PCDH15: variants seen among roughly 807,000 people sequenced by gnomAD.
The protein encoded by PCDH15 is protocadherin related 15.
Under a neutral mutation model 178.5 loss-of-function variants are expected in PCDH15, and 129 were observed. That is an observed-to-expected ratio of 0.72 (90% confidence interval 0.63 to 0.84). The LOEUF (loss-of-function observed/expected upper bound fraction) is 0.84. PCDH15 is among the 40% of genes least tolerant of loss of function. PCDH15 has a pLI of 0.00. For synonymous variants in PCDH15, 800 were observed against 732.0 expected, an observed-to-expected ratio of 1.09 and a Z score of -1.50; for missense variants, 2,230 against 2,099.9, an observed-to-expected ratio of 1.06 and a Z score of -1.21.
intron 2 of PCDH15, among the ~76,000 whole-genome samples, chr10:55,533,437 G>A (rs1841501859): frequency 6.6e-6 from 1 of 151,840 alleles, no homozygotes; most frequent in African/African-American, 2.4e-5. Flanking sequence ...CACTAATAAT[G>A]TCCAGGCTGA....
intron 2 of PCDH15, chr10:55,366,326 T>C (rs1845360320): frequency 6.6e-6 from 1 of 152,112 alleles, no homozygotes; most frequent in Admixed American, 6.6e-5. Flanking sequence ...AAGTAAAACA[T>C]AAGCAATTCT....
chr10:54,509,285 ATAC>A (rs2081435512), intron 3 of PCDH15, among the ~76,000 whole-genome samples: 1 of 152,016 alleles, frequency 6.6e-6, no homozygotes, highest in Non-Finnish European at 1.5e-5. Context: ...GGTTTCCCCC[ATAC>A]TGTTCTCGTG....
At chr10:54,944,077 C>T (rs777070185) in intron 2 of PCDH15, among the ~76,000 whole-genome samples, 9 of 151,696 alleles carry the variant, frequency 5.9e-5, no homozygotes, top group Non-Finnish European at 1.3e-4. Flanking sequence ...AGGCCAAGAC[C>T]CAAAGCATGG....
chr10:55,006,979 G>A (rs1031353649), intron 2 of PCDH15, among the ~76,000 whole-genome samples: 10 of 152,074 alleles, frequency 6.6e-5, no homozygotes, highest in African/African-American at 2.4e-4. Flanking sequence ...GTGATATTGA[G>A]TTCTGGTCAT....
chr10:54,517,601 C>T (rs1482514052), intron 3 of PCDH15, among the ~76,000 whole-genome samples: 2 of 151,980 alleles, frequency 1.3e-5, no homozygotes, highest in African/African-American at 4.8e-5. Flanking sequence ...GACTCCCACA[C>T]AATAATAATG....
At chr10:54,459,540 A>C (rs2077041183) in intron 3 of PCDH15, among the ~76,000 whole-genome samples, 1 of 152,066 alleles carries the variant, frequency 6.6e-6, no homozygotes, top group South Asian at 2.1e-4. Flanking sequence ...TTTGGAGAAA[A>C]ATGACTTAAT....
chr10:54,326,782 G>A (rs532708767), intron 7 of PCDH15, among the ~76,000 whole-genome samples: 25 of 152,120 alleles, frequency 1.6e-4, no homozygotes, highest in African/African-American at 5.8e-4. Flanking sequence ...GAGTATTGTT[G>A]AATCAATGGT....
At chr10:54,603,547 T>A (rs2134121719) in intron 2 of PCDH15, among the ~76,000 whole-genome samples, 1 of 151,790 alleles carries the variant, frequency 6.6e-6, no homozygotes, top group South Asian at 2.1e-4. Context: ...AGAAGCCATG[T>A]CTCTCGAGGC....
rs1566222539 is a variant in PCDH15 at position 54,779,483 on chromosome 10, T to TATGTGTATATATATACACAC, written c.-29+21441_-29+21442insGTGTGTATATATATACACAT. Among the ~76,000 whole-genome samples the TATGTGTATATATATACACAC allele has an allele frequency of 1.9e-3, 192 of 101,242 alleles. 6 individuals are homozygous for TATGTGTATATATATACACAC. Among genetic ancestry groups the TATGTGTATATATATACACAC allele is most frequent in the African/African-American group, 5.6e-3 (169 of 30,334 alleles). The allele number at this position is 101,242 out of a possible 152,430, so 66.4% of individuals were successfully genotyped here. The stretch of plus-strand genomic sequence containing the variant: ...ATGTGTGTATATATATACACACATA[T>TATGTGTATATATATACACAC]ATATGTATATATATACACACATATA... On this transcript the variant is annotated intron_variant, in intron 1 of 37. Coordinates refer to ENST00000644397, the MANE Select transcript of PCDH15 (RefSeq NM_001384140.1).
chr10:55,411,899 GAT>G (rs1468912993), intron 2 of PCDH15, among the ~76,000 whole-genome samples: 2 of 152,020 alleles, frequency 1.3e-5, no homozygotes, highest in Non-Finnish European at 2.9e-5. Context: ...GATAAATTAA[GAT>G]AGACATATAA....
rs1352086799 is a variant in PCDH15, at chr10:54,402,387, C to T, written c.158-23445G>A. On this transcript the variant is annotated intron_variant, in intron 3 of 37. Transcript: ENST00000644397. Reference sequence around the variant, plus strand: ...AGCAAGGATCAATGACATATATTAACAACAAAGAAGAACTATGCTCCTATT... The same window carrying T: ...AGCAAGGATCAATGACATATATTAATAACAAAGAAGAACTATGCTCCTATT... 2.0e-5 allele frequency among the ~76,000 whole-genome samples: 3 copies of T among 151,940 alleles called. No individual in the cohort carries two copies. In the South Asian group the frequency reaches 6.2e-4, roughly 31 times the overall value.
At chr10:54,513,531 T>C (rs994363062) in intron 3 of PCDH15, among the ~76,000 whole-genome samples, 2 of 152,078 alleles carry the variant, frequency 1.3e-5, no homozygotes, top group African/African-American at 2.4e-5. Context: ...AAACATCTTA[T>C]TGAACACAAA....
intron 2 of PCDH15, among the ~76,000 whole-genome samples, chr10:54,627,581 T>C (rs1462942373): frequency 1.3e-5 from 2 of 152,216 alleles, no homozygotes; most frequent in East Asian, 3.9e-4. Flanking sequence ...GAGTTTTCCA[T>C]TAAACTTCTT....
At chr10:54,525,136 T>C (rs1033926189) in intron 3 of PCDH15, among the ~76,000 whole-genome samples, 1 of 152,232 alleles carries the variant, frequency 6.6e-6, no homozygotes, top group Non-Finnish European at 1.5e-5. Context: ...ATGACTTACA[T>C]AAACAATTAG....
At chr10:54,387,738 A>T (rs2135247718) in intron 3 of PCDH15, among the ~76,000 whole-genome samples, 1 of 152,264 alleles carries the variant, frequency 6.6e-6, no homozygotes, top group Non-Finnish European at 1.5e-5. Context: ...CTGCTATATA[A>T]ACCCCTAGTT....
At chr10:54,195,929 G>C (rs371974414) in intron 10 of PCDH15, 40 bp from the exon 11 acceptor site, 1 of 1,567,600 alleles carries the variant, frequency 6.4e-7, no homozygotes, top group Admixed American at 1.7e-5. Context: ...GAAAGTATAT[G>C]TCGTGCTATC....
At chr10:54,759,823 A>G (rs895740435) in intron 1 of PCDH15, among the ~76,000 whole-genome samples, 1 of 152,144 alleles carries the variant, frequency 6.6e-6, no homozygotes, top group South Asian at 2.1e-4. Context: ...TGGGGGCTGA[A>G]CTTTTTGAGG....
chr10:54,056,362 AAAAG>A (rs2093887406), intron 18 of PCDH15, among the ~76,000 whole-genome samples: 1 of 152,206 alleles, frequency 6.6e-6, no homozygotes. Context: ...GATAATTTAT[AAAAG>A]AAAGAGGTTT....
At chr10:54,438,268 CTTT>C (rs1039826987) in intron 3 of PCDH15, among the ~76,000 whole-genome samples, 1,076 of 93,968 alleles carry the variant, frequency 0.011, 21 homozygotes, top group African/African-American at 0.04. Context: ...AAGAGAAAAG[CTTT>C]TTTTTTTTTT....
Sources: allele counts gnomAD v4.1 joint callset (sites outside exome capture counted in the v4.1 genomes callset), GRCh38; gene constraint gnomAD v4.1.1; transcripts MANE v1.5; gene names NCBI Gene and HGNC (gene_info 2026-07-23, HGNC 2026-07-21).